Variants in CENPU observed in about 807,000 individuals in gnomAD.
CENPU encodes the protein centromere protein U, also known as KSHV latent nuclear antigen interacting protein 1.
Under a neutral mutation model 56.7 loss-of-function variants are expected in CENPU, and 46 were observed. The ratio of observed to expected loss-of-function variants is 0.81; its 90% CI spans 0.64 to 1.04. The LOEUF (loss-of-function observed/expected upper bound fraction) is 1.04. CENPU is among the 50% of genes least tolerant of loss of function. The pLI, the probability that CENPU is intolerant of heterozygous loss-of-function variation, is 0.00. For synonymous variants in CENPU, 166 were observed against 163.0 expected, an observed-to-expected ratio of 1.02 and a Z score of -0.14; for missense variants, 510 against 490.1, an observed-to-expected ratio of 1.04 and a Z score of -0.38.
chr4:184,709,933 G>T, intron 8 of CENPU, 139 bp downstream of exon 8: 1 of 409,008 alleles, frequency 2.4e-6, no homozygotes, highest in East Asian at 3.7e-5. Context: ...AAGAATTAAA[G>T]AAAAAATTAT....
chr4:184,728,770 T>C, intron 3 of CENPU, 148 bp downstream of exon 3: 1 of 629,770 alleles, frequency 1.6e-6, no homozygotes, highest in East Asian at 2.8e-5. Context: ...GGAAAATTAA[T>C]TCAAATTATC....
Position 184,729,015 on chromosome 4 carries a change from C to T in CENPU, c.117G>A (p.Lys39=), listed in dbSNP as rs1488413424. 6.2e-7 allele frequency: 1 copy of T among 1,613,466 alleles called. No individual in the cohort carries two copies. The highest frequency in any genetic ancestry group is 1.7e-5 in the Admixed American group (1 of 59,946). ...CAGGAAAGTCGAACACGTCAATAGG[C>T]TTGCACTTTTGACCAGCTTTCTAAA... ...SMKDKAGQKC[K]PIDVFDFPDN... Residue 39 remains lysine, a synonymous_variant, in exon 3 of 13, where the codon AAG becomes AAA. Transcript: ENST00000281453.
At chr4:184,714,311 T>C (rs187171819) in intron 6 of CENPU, among the ~76,000 whole-genome samples, 3 of 152,262 alleles carry the variant, frequency 2.0e-5, no homozygotes, top group African/African-American at 7.2e-5. Context: ...TGGAAACTAG[T>C]ATCTACAGGC....
At chr4:184,726,031 C>T (rs1207451335) in intron 3 of CENPU, among the ~76,000 whole-genome samples, 1 of 152,148 alleles carries the variant, frequency 6.6e-6, no homozygotes, top group Admixed American at 6.5e-5. Context: ...TCTTCATGCT[C>T]AAAGTTTAGC....
intron 1 of CENPU, 21 bp downstream of exon 1, chr4:184,733,995 C>T (rs965117921): frequency 8.7e-6 from 14 of 1,610,456 alleles, no homozygotes; most frequent in Non-Finnish European, 1.2e-5. Flanking sequence ...CCCCGCGCTC[C>T]CGAGGGTCGG....
At chr4:184,697,409 G>A (rs753529778) in intron 12 of CENPU, among the ~76,000 whole-genome samples, 8 of 148,240 alleles carry the variant, frequency 5.4e-5, no homozygotes, top group Admixed American at 3.3e-4. Flanking sequence ...TCAGCTGTCC[G>A]AGTGAAAATA....
At chr4:184,702,705 C>A (rs762720604) in intron 8 of CENPU, among the ~76,000 whole-genome samples, 1 of 152,184 alleles carries the variant, frequency 6.6e-6, no homozygotes, top group South Asian at 2.1e-4. Flanking sequence ...AGGTTGTTTT[C>A]AGTCCTTGAA....
intron 8 of CENPU, 125 bp downstream of exon 8, chr4:184,709,947 A>T (rs1210683553): frequency 7.1e-6 from 3 of 422,302 alleles, no homozygotes; most frequent in Non-Finnish European, 1.3e-5. Context: ...AAATTATAAT[A>T]AAATGTAAAA....
At chr4:184,717,342 G>A (rs1761127877) in intron 4 of CENPU, 146 bp from the exon 5 acceptor site, 1 of 621,144 alleles carries the variant, frequency 1.6e-6, no homozygotes, top group Non-Finnish European at 2.8e-6. Flanking sequence ...CACCTTCCTG[G>A]GTTTACTGCT....
chr4:184,725,443 C>A (rs1368386369), intron 3 of CENPU, among the ~76,000 whole-genome samples: 1 of 152,212 alleles, frequency 6.6e-6, no homozygotes, highest in African/African-American at 2.4e-5. Flanking sequence ...ATAGCTGGGA[C>A]TACAGGCACA....
At chr4:184,719,760 G>A (rs1003938681) in intron 4 of CENPU, among the ~76,000 whole-genome samples, 2 of 152,202 alleles carry the variant, frequency 1.3e-5, no homozygotes, top group African/African-American at 4.8e-5. Flanking sequence ...GGAGAGGAGA[G>A]GGAAGAGTGG....
intron 1 of CENPU, among the ~76,000 whole-genome samples, chr4:184,732,215 G>C (rs1273833202): frequency 6.6e-6 from 1 of 151,630 alleles, no homozygotes; most frequent in Non-Finnish European, 1.5e-5. Context: ...TGTACTAAGT[G>C]TGATGTAAAA....
At chr4:184,719,479 C>T (rs560879062) in intron 4 of CENPU, among the ~76,000 whole-genome samples, 102 of 152,308 alleles carry the variant, frequency 6.7e-4, no homozygotes, top group Non-Finnish European at 1.2e-3. Flanking sequence ...TGAGGGGAAT[C>T]GCCCATCTTA....
chr4:184,703,520 G>C (rs958814973), intron 8 of CENPU, among the ~76,000 whole-genome samples: 3 of 152,046 alleles, frequency 2.0e-5, no homozygotes, highest in Non-Finnish European at 4.4e-5. Flanking sequence ...AGAAAGTACA[G>C]AAATAGGAAC....
rs771393734 is a variant in CENPU, at chr4:184,702,130, C to G, written c.883G>C (p.Glu295Gln). ...TTCAGATTTGTCAACATCTGGCTTT[C>G]TTTAAGCTACACAAAACAAAAAATA... ...VKEQFIKMLK[E>Q]SQMLTNLKRK... Residue 295 changes from glutamate (E) to glutamine (Q), a missense_variant, in exon 10 of 13, where the codon GAA becomes CAA. By Grantham distance (29) the Glu-to-Gln change is conservative (BLOSUM62 2). Coordinates refer to ENST00000281453, the MANE Select transcript of CENPU (RefSeq NM_024629.4). 5 of 1,607,268 alleles carry G rather than the reference C, an allele frequency of 3.1e-6. No individual in the cohort carries two copies. Among genetic ancestry groups the G allele is most frequent in the Non-Finnish European group, 4.3e-6 (5 of 1,175,044 alleles).
chr4:184,731,018 G>C (rs748255582), intron 1 of CENPU, 50 bp from the exon 2 acceptor site: 1 of 1,316,642 alleles, frequency 7.6e-7, no homozygotes, highest in Non-Finnish European at 1.1e-6. Flanking sequence ...TAAAATAACT[G>C]AGGAAACACC....
At chr4:184,723,630 T>C (rs1761350262) in intron 4 of CENPU, among the ~76,000 whole-genome samples, 1 of 151,700 alleles carries the variant, frequency 6.6e-6, no homozygotes, top group Admixed American at 6.6e-5. Context: ...GATCACGAGC[T>C]CAAGAGATCA....
chr4:184,694,615 G>T lies in CENPU; in HGVS notation c.*673C>A, dbSNP rs770203895. ...ATCACCTAGCAGGCTGTCAACAGGT[G>T]CATCTGCTGATGCTGTCTGGGATAA... On this transcript the variant is annotated 3_prime_UTR_variant, in exon 13 of 13. Transcript: ENST00000281453. 19 of 1,614,038 alleles carry T rather than the reference G, an allele frequency of 1.2e-5. No homozygotes were observed. Among genetic ancestry groups the T allele is most frequent in the South Asian group, 4.4e-5 (4 of 91,086 alleles).
chr4:184,729,113 T>A, intron 2 of CENPU, 78 bp from the exon 3 acceptor site: 1 of 1,101,302 alleles, frequency 9.1e-7, no homozygotes, highest in Non-Finnish European at 1.4e-6. Context: ...AAGAATATTC[T>A]TGTAATCACT....
Sources: allele counts gnomAD v4.1 joint callset (sites outside exome capture counted in the v4.1 genomes callset), GRCh38; gene constraint gnomAD v4.1.1; transcripts MANE v1.5; gene names NCBI Gene and HGNC (gene_info 2026-07-23, HGNC 2026-07-21).